Variants in CA10 observed in about 807,000 individuals in gnomAD.
The protein encoded by CA10 is carbonic anhydrase-related protein 10.
In CA10, 14 loss-of-function variants were observed where a neutral mutation model predicts 44.2. The observed-to-expected ratio is 0.32, with a 90% CI of 0.21 to 0.50. The LOEUF is 0.50. Among genes scored for constraint, CA10 ranks in the 20% least tolerant of loss-of-function variants. CA10 has a pLI of 0.99. For missense variants in CA10, 350 were observed against 409.7 expected (o/e 0.85, Z 1.26); for synonymous variants, 159 against 141.6 (o/e 1.12, Z -0.87).
intron 3 of CA10, among the ~76,000 whole-genome samples, chr17:51,773,075 C>G (rs1905671022): frequency 1.3e-5 from 2 of 152,210 alleles, no homozygotes; most frequent in South Asian, 4.1e-4. Context: ...AGTTGCTTTT[C>G]TATTTCCTAC....
intron 3 of CA10, among the ~76,000 whole-genome samples, chr17:51,880,047 C>G (rs973358837): frequency 6.6e-6 from 1 of 152,120 alleles, no homozygotes; most frequent in African/African-American, 2.4e-5. Flanking sequence ...GAATCCACAC[C>G]TCAACTATCT....
At chr17:51,794,312 G>A (rs114574536) in intron 3 of CA10, among the ~76,000 whole-genome samples, 1 of 152,344 alleles carries the variant, frequency 6.6e-6, no homozygotes, top group African/African-American at 2.4e-5. Flanking sequence ...GAAAGCTGCT[G>A]GAAGTGCCCC....
chr17:52,024,782 G>T (rs1200426290), intron 2 of CA10, among the ~76,000 whole-genome samples: 2 of 151,994 alleles, frequency 1.3e-5, no homozygotes, highest in Non-Finnish European at 2.9e-5. Flanking sequence ...TAATAAATAT[G>T]CAAAGTGCTT....
chr17:51,803,435 T>A (rs1027960545), intron 3 of CA10, among the ~76,000 whole-genome samples: 2 of 152,088 alleles, frequency 1.3e-5, no homozygotes, highest in Non-Finnish European at 2.9e-5. Flanking sequence ...TACTCCCTCT[T>A]CTCTCCAAAT....
intron 2 of CA10, among the ~76,000 whole-genome samples, chr17:51,959,373 C>T (rs1983796632): frequency 6.7e-6 from 1 of 148,984 alleles, no homozygotes; most frequent in African/African-American, 2.5e-5. Context: ...GTTGTTTTGC[C>T]CTCAAGGGAA....
intron 4 of CA10, among the ~76,000 whole-genome samples, chr17:51,676,648 G>A (rs558787377): frequency 6.6e-5 from 10 of 152,234 alleles, no homozygotes; most frequent in Admixed American, 1.3e-4. Flanking sequence ...CAAAGTGAGC[G>A]TCAGATACTG....
chr17:52,062,464 C>CA (rs760105057), intron 2 of CA10, among the ~76,000 whole-genome samples: 3 of 151,948 alleles, frequency 2.0e-5, no homozygotes, highest in South Asian at 2.1e-4. Flanking sequence ...TGCAAAGAGT[C>CA]AAAAAAATTG....
chr17:52,085,159 G>C (rs1406697407), intron 1 of CA10, among the ~76,000 whole-genome samples: 1 of 152,164 alleles, frequency 6.6e-6, no homozygotes, highest in Non-Finnish European at 1.5e-5. Context: ...AATACCCATG[G>C]AGTGAAGACA....
At chr17:51,827,256 T>G (rs182199758) in intron 3 of CA10, among the ~76,000 whole-genome samples, 110 of 152,274 alleles carry the variant, frequency 7.2e-4, no homozygotes, top group African/African-American at 2.5e-3. Flanking sequence ...CACCCCCTTT[T>G]ATTTTCAATC....
intron 2 of CA10, among the ~76,000 whole-genome samples, chr17:51,987,597 C>T (rs1244336539): frequency 6.6e-6 from 1 of 151,546 alleles, no homozygotes; most frequent in African/African-American, 2.4e-5. Flanking sequence ...ATAATCCATT[C>T]AACAAATATT....
intron 4 of CA10, among the ~76,000 whole-genome samples, chr17:51,706,848 G>A (rs764411833): frequency 3.3e-5 from 5 of 152,138 alleles, no homozygotes; most frequent in Non-Finnish European, 5.9e-5. Context: ...AAACTTGCAA[G>A]CTGGCCTTTC....
At chr17:51,684,786 G>T (rs1034135139) in intron 4 of CA10, among the ~76,000 whole-genome samples, 1 of 152,060 alleles carries the variant, frequency 6.6e-6, no homozygotes, top group Non-Finnish European at 1.5e-5. Flanking sequence ...GAAAATAAAT[G>T]GATTCTTTGA....
At chr17:51,821,871 G>T (rs1907815803) in intron 3 of CA10, among the ~76,000 whole-genome samples, 1 of 152,060 alleles carries the variant, frequency 6.6e-6, no homozygotes, top group South Asian at 2.1e-4. Flanking sequence ...GTGACCTTTG[G>T]CAATTGGCTC....
chr17:51,678,082 T>A (rs1914696070), intron 4 of CA10, among the ~76,000 whole-genome samples: 1 of 152,178 alleles, frequency 6.6e-6, no homozygotes, highest in Non-Finnish European at 1.5e-5. Flanking sequence ...TGACAATACA[T>A]GCTACAATGT....
chr17:52,095,906 G>A (rs575972033), intron 1 of CA10, among the ~76,000 whole-genome samples: 3 of 152,210 alleles, frequency 2.0e-5, no homozygotes, highest in African/African-American at 4.8e-5. Flanking sequence ...GGTGCTTAGC[G>A]CAGAAATTGA....
At chr17:51,801,807 C>T (rs955202507) in intron 3 of CA10, among the ~76,000 whole-genome samples, 5 of 152,174 alleles carry the variant, frequency 3.3e-5, no homozygotes, top group African/African-American at 7.2e-5. Context: ...CCAGTGACAC[C>T]AGGAAGTCTT....
intron 1 of CA10, among the ~76,000 whole-genome samples, chr17:52,130,160 T>C (rs1989202511): frequency 6.6e-6 from 1 of 152,144 alleles, no homozygotes; most frequent in Non-Finnish European, 1.5e-5. Flanking sequence ...ATAACAAGTG[T>C]TGGTGAGGAT....
intron 3 of CA10, among the ~76,000 whole-genome samples, chr17:51,905,041 G>A (rs1177321227): frequency 3.3e-5 from 5 of 152,216 alleles, no homozygotes; most frequent in East Asian, 1.9e-4. Context: ...CATTCAGCAC[G>A]ATAGATAATT....
chr17:51,673,831 G>C (rs1349632992), intron 4 of CA10, among the ~76,000 whole-genome samples: 1 of 152,138 alleles, frequency 6.6e-6, no homozygotes, highest in East Asian at 1.9e-4. Context: ...GGCCTGAAAG[G>C]CCCACCATGA....
Sources: allele counts gnomAD v4.1 joint callset (sites outside exome capture counted in the v4.1 genomes callset), GRCh38; gene constraint gnomAD v4.1.1; transcripts MANE v1.5; gene names NCBI Gene and HGNC (gene_info 2026-07-23, HGNC 2026-07-21).